The following GPC6 variants were observed in gnomAD, a reference collection of about 807,000 sequenced individuals.
GPC6 encodes the protein glypican-6.
Under a neutral mutation model 55.2 loss-of-function variants are expected in GPC6, and 14 were observed. That is an observed-to-expected ratio of 0.25 (90% CI 0.17 to 0.40). The LOEUF is 0.40. Among genes scored for constraint, GPC6 ranks in the 10% least tolerant of loss-of-function variants. The probability of loss-of-function intolerance (pLI) is 1.00; values close to 1 mark genes in which losing one functional copy is unlikely to be tolerated. For synonymous variants in GPC6, 278 were observed against 259.6 expected, an observed-to-expected ratio of 1.07 and a Z score of -0.68; for missense variants, 641 against 708.5, an observed-to-expected ratio of 0.90 and a Z score of 1.08.
At chr13:94,079,779 T>G (rs2138794470) in intron 4 of GPC6, among the ~76,000 whole-genome samples, 1 of 152,350 alleles carries the variant, frequency 6.6e-6, no homozygotes, top group Non-Finnish European at 1.5e-5. Context: ...TGTGCAATTA[T>G]TTCTTTGTGT....
intron 2 of GPC6, among the ~76,000 whole-genome samples, chr13:93,652,028 C>A (rs939664598): frequency 6.6e-6 from 1 of 152,124 alleles, no homozygotes; most frequent in Non-Finnish European, 1.5e-5. Flanking sequence ...CCACCATAAC[C>A]ACCATTAAAA....
intron 1 of GPC6, among the ~76,000 whole-genome samples, chr13:93,465,800 C>A (rs902850406): frequency 6.6e-6 from 1 of 152,228 alleles, no homozygotes; most frequent in African/African-American, 2.4e-5. Flanking sequence ...CCTTTCTCAG[C>A]TTTCAATGTG....
chr13:93,899,440 T>G (rs1459248312), intron 3 of GPC6, among the ~76,000 whole-genome samples: 2 of 143,812 alleles, frequency 1.4e-5, no homozygotes, highest in East Asian at 2.0e-4. Flanking sequence ...CATAGTTGGA[T>G]GAAGGAAAAA....
At chr13:93,286,829 A>T (rs1459083331) in intron 1 of GPC6, among the ~76,000 whole-genome samples, 1 of 151,780 alleles carries the variant, frequency 6.6e-6, no homozygotes, top group Non-Finnish European at 1.5e-5. Flanking sequence ...TTCTTTCCTG[A>T]TGCTGTTAGT....
At chr13:93,374,999 A>G (rs941615354) in intron 1 of GPC6, among the ~76,000 whole-genome samples, 8 of 152,178 alleles carry the variant, frequency 5.3e-5, no homozygotes, top group South Asian at 2.1e-4. Context: ...CCAATTAGCA[A>G]CTATAGTCAT....
intron 4 of GPC6, among the ~76,000 whole-genome samples, chr13:94,077,456 C>G (rs1884957276): frequency 6.6e-6 from 1 of 151,590 alleles, no homozygotes; most frequent in African/African-American, 2.4e-5. Context: ...CAATTGGAAG[C>G]CTTTTATTTT....
At chr13:93,801,830 C>G (rs563912412) in intron 2 of GPC6, among the ~76,000 whole-genome samples, 1 of 152,296 alleles carries the variant, frequency 6.6e-6, no homozygotes, top group African/African-American at 2.4e-5. Context: ...ATTTCCCTGA[C>G]TTCCTTGTAA....
chr13:93,650,686 T>C (rs1298730081), intron 2 of GPC6, among the ~76,000 whole-genome samples: 1 of 152,178 alleles, frequency 6.6e-6, no homozygotes, highest in Non-Finnish European at 1.5e-5. Flanking sequence ...ACTACTCAGA[T>C]AAAAGGCCAC....
intron 4 of GPC6, among the ~76,000 whole-genome samples, chr13:94,158,545 A>G (rs1050844685): frequency 6.6e-6 from 1 of 152,326 alleles, no homozygotes. Context: ...TTCAGCAAAC[A>G]GAGGGGAAGG....
At chr13:93,351,948 T>A (rs983973617) in intron 1 of GPC6, among the ~76,000 whole-genome samples, 4 of 152,076 alleles carry the variant, frequency 2.6e-5, no homozygotes, top group African/African-American at 7.2e-5. Context: ...GTAGAAAAAA[T>A]TCAAGTTTTT....
chr13:93,566,351 T>C (rs2139466485), intron 2 of GPC6, among the ~76,000 whole-genome samples: 1 of 152,310 alleles, frequency 6.6e-6, no homozygotes, highest in African/African-American at 2.4e-5. Context: ...ATAAAAAGCA[T>C]TTTTAATGAC....
chr13:94,191,476 G>A (rs954908172), intron 4 of GPC6, among the ~76,000 whole-genome samples: 36 of 152,140 alleles, frequency 2.4e-4, no homozygotes, highest in African/African-American at 8.0e-4. Context: ...TCTTTGGAGA[G>A]CTGAGTCGGT....
At chr13:93,802,404 C>CTT (rs35117038) in intron 2 of GPC6, among the ~76,000 whole-genome samples, 1 of 147,964 alleles carries the variant, frequency 6.8e-6, no homozygotes, top group Non-Finnish European at 1.5e-5. Flanking sequence ...AAAAAAAGTA[C>CTT]TTTTTTTTTT....
chr13:93,617,933 T>G (rs1878793238), intron 2 of GPC6, among the ~76,000 whole-genome samples: 1 of 152,110 alleles, frequency 6.6e-6, no homozygotes, highest in African/African-American at 2.4e-5. Context: ...TAATTAAATG[T>G]AGGAAATAGC....
chr13:93,692,277 T>C (rs1187563587), intron 2 of GPC6, among the ~76,000 whole-genome samples: 1 of 152,128 alleles, frequency 6.6e-6, no homozygotes, highest in Non-Finnish European at 1.5e-5. Context: ...TTTCCCGTAA[T>C]TTAAGAAATT....
intron 1 of GPC6, among the ~76,000 whole-genome samples, chr13:93,414,612 A>G (rs1242714911): frequency 6.6e-6 from 1 of 152,046 alleles, no homozygotes; most frequent in Non-Finnish European, 1.5e-5. Context: ...AGCCAGAAGT[A>G]TTTTAGGAAG....
chr13:94,359,677 G>C (rs1341238607), intron 6 of GPC6, among the ~76,000 whole-genome samples: 1 of 150,346 alleles, frequency 6.7e-6, no homozygotes, highest in Non-Finnish European at 1.5e-5. Context: ...TTTTTTTGAA[G>C]AGATAAAGGC....
At chr13:93,539,694 CTTT>C (rs11455046) in intron 1 of GPC6, among the ~76,000 whole-genome samples, 1 of 144,892 alleles carries the variant, frequency 6.9e-6, no homozygotes, top group Non-Finnish European at 1.5e-5. Context: ...GTGCTTGGTA[CTTT>C]TTTTTTTTTT....
intron 1 of GPC6, among the ~76,000 whole-genome samples, chr13:93,295,165 G>GA (rs1312349983): frequency 2.7e-5 from 4 of 148,330 alleles, no homozygotes; most frequent in Admixed American, 2.0e-4. Flanking sequence ...GTGGCGGTGT[G>GA]CCTGTAGTCC....
Sources: gnomAD v4.1 joint callset for allele counts (sites outside exome capture counted in the v4.1 genomes callset) on GRCh38, gnomAD v4.1.1 for gene constraint, MANE v1.5 for transcripts, NCBI Gene and HGNC (gene_info 2026-07-23, HGNC 2026-07-21) for gene names.